Variants in MYO6 observed in about 807,000 individuals in gnomAD.
MYO6 encodes myosin VI.
In MYO6, 74 loss-of-function variants were observed where a neutral mutation model predicts 178.7. The ratio of observed to expected loss-of-function variants is 0.41; its 90% CI spans 0.34 to 0.50. MYO6 has a LOEUF of 0.50. Ranked by LOEUF, MYO6 falls within the 20% of genes least tolerant of loss-of-function variation. The pLI is 0.09. For synonymous variants in MYO6, 477 were observed against 504.6 expected, an observed-to-expected ratio of 0.95 and a Z score of 0.73; for missense variants, 1,330 against 1,547.4, an observed-to-expected ratio of 0.86 and a Z score of 2.36.
chr6:75,771,716 A>G (rs1765911155), intron 1 of MYO6, among the ~76,000 whole-genome samples: 1 of 152,224 alleles, frequency 6.6e-6, no homozygotes, highest in Admixed American at 6.5e-5. Context: ...GTCAAATAAT[A>G]GAATTCTAGG....
At chr6:75,766,144 G>A (rs776231431) in intron 1 of MYO6, among the ~76,000 whole-genome samples, 6 of 152,002 alleles carry the variant, frequency 3.9e-5, no homozygotes, top group African/African-American at 1.4e-4. Flanking sequence ...CCAACATGGC[G>A]AAACCCCGTC....
intron 30 of MYO6, among the ~76,000 whole-genome samples, chr6:75,906,223 G>T (rs1211446105): frequency 7.8e-6 from 1 of 128,950 alleles, no homozygotes; most frequent in Non-Finnish European, 1.8e-5. Context: ...GAAATGTGAT[G>T]TATTTAAACG....
At chr6:75,769,381 A>G (rs1778718402) in intron 1 of MYO6, among the ~76,000 whole-genome samples, 1 of 152,234 alleles carries the variant, frequency 6.6e-6, no homozygotes, top group South Asian at 2.1e-4. Context: ...TTTACTTCCA[A>G]GATACAGTGA....
intron 18 of MYO6, among the ~76,000 whole-genome samples, chr6:75,869,409 C>G (rs1036077777): frequency 6.6e-6 from 1 of 152,070 alleles, no homozygotes; most frequent in Non-Finnish European, 1.5e-5. Context: ...TCCGTAACCT[C>G]GGGCAAGTTA....
At position 75,809,822 on chromosome 6, in the gene MYO6, G is replaced by C. The variant is rs552419095; in HGVS notation, c.-47-7679G>C. Among the ~76,000 whole-genome samples the C allele has an allele frequency of 3.3e-5, 5 of 151,594 alleles. No homozygotes were observed. The East Asian group carries it at 9.7e-4, about 29-fold the overall frequency. On this transcript the variant is annotated intron_variant, in intron 1 of 34. Transcript: ENST00000369977. ...TGAGGCTTGTAATCCCAGCACTTTG[G>C]GAGGCCGAGCCAGGTGGATCACTTG...
In MYO6 at chr6:75,819,215, C is replaced by T. The variant is rs574380832; in HGVS notation, c.117+1551C>T. 9.9e-5 allele frequency among the ~76,000 whole-genome samples: 15 copies of T among 152,188 alleles called. No homozygotes were observed. The South Asian group carries it at 2.5e-3, about 25-fold the overall frequency. On this transcript the variant is annotated intron_variant, in intron 2 of 34. Coordinates refer to ENST00000369977, the MANE Select transcript of MYO6 (RefSeq NM_004999.4). ...AGATAATTCTGTGAACTAAAGTGTA[C>T]GTTTTTTCCACAAAGTTTTTTTTGA...
chr6:75,790,295 G>A (rs1273646371), intron 1 of MYO6, among the ~76,000 whole-genome samples: 3 of 151,760 alleles, frequency 2.0e-5, no homozygotes, highest in African/African-American at 7.3e-5. Context: ...ATACTTAAAT[G>A]TGTAAATTCC....
chr6:75,914,721 C>G (rs1295134875), intron 34 of MYO6, 92 bp from the exon 35 acceptor site: 49 of 1,222,764 alleles, frequency 4.0e-5, no homozygotes, highest in Non-Finnish European at 5.3e-5. Context: ...GTTTTCAAAT[C>G]TATGAGAATT....
intron 1 of MYO6, among the ~76,000 whole-genome samples, chr6:75,803,954 CA>C (rs1212574295): frequency 6.6e-6 from 1 of 152,138 alleles, no homozygotes; most frequent in African/African-American, 2.4e-5. Flanking sequence ...AGTACAGTGG[CA>C]CGATCATGGC....
intron 1 of MYO6, among the ~76,000 whole-genome samples, chr6:75,805,741 ATAAC>A (rs549135697): frequency 9.2e-4 from 140 of 152,364 alleles, no homozygotes; most frequent in Non-Finnish European, 1.6e-3. Flanking sequence ...CTCTCTTAGA[ATAAC>A]TAAGAATTTC....
At chr6:75,823,368 T>C (rs937840801) in intron 3 of MYO6, among the ~76,000 whole-genome samples, 1 of 152,230 alleles carries the variant, frequency 6.6e-6, no homozygotes, top group African/African-American at 2.4e-5. Flanking sequence ...TGAAAAAAGC[T>C]CTTCTCGATG....
chr6:75,866,315 C>T (rs1486303537), intron 16 of MYO6, among the ~76,000 whole-genome samples: 1 of 110,928 alleles, frequency 9.0e-6, no homozygotes, highest in Admixed American at 8.8e-5. Context: ...GTGTCTTACA[C>T]CTATTTTCTT....
In MYO6 at chr6:75,912,209, A is replaced by G. The variant is rs1183611769; in HGVS notation, c.3439+511A>G. 2.6e-5 allele frequency among the ~76,000 whole-genome samples: 4 copies of G among 152,036 alleles called. No individual in the cohort carries two copies. The East Asian group carries it at 5.8e-4, about 22-fold the overall frequency. The stretch of plus-strand genomic sequence containing the variant: ...TGTTACGTTTATAGCCTCTTATGAT[A>G]CACATTCTTTGATAATTTAAAAGCT... On this transcript the variant is annotated intron_variant, in intron 33 of 34. Coordinates refer to ENST00000369977, the MANE Select transcript of MYO6 (RefSeq NM_004999.4).
At chr6:75,803,886 C>CTTTTTGT (rs775365674) in intron 1 of MYO6, among the ~76,000 whole-genome samples, 30 of 152,050 alleles carry the variant, frequency 2.0e-4, no homozygotes, top group Non-Finnish European at 1.0e-4. Flanking sequence ...GAGGCTTTTT[C>CTTTTTGT]TTTTTGTTTT....
intron 19 of MYO6, 26 bp downstream of exon 19, chr6:75,870,711 G>A (rs763172028): frequency 5.0e-6 from 8 of 1,587,114 alleles, no homozygotes; most frequent in Non-Finnish European, 6.9e-6. Context: ...AAGAAAACAG[G>A]TTTTTATGGG....
chr6:75,844,820 T>G lies in MYO6; in HGVS notation c.817-77T>G, dbSNP rs564969763. 8.6e-6 allele frequency: 10 copies of G among 1,158,910 alleles called. No homozygotes were observed. In the African/African-American group the frequency reaches 1.4e-4, roughly 16 times the overall value. 71.8% of individuals were successfully genotyped at this position (1,158,910 alleles called of 1,614,324 possible). ...GAAATTCTTCATGGTTGGCACTATTTGGTAAGTTGTGTTTTCTCCTGTATT... is the reference window on the plus strand; with the variant it reads ...GAAATTCTTCATGGTTGGCACTATTGGGTAAGTTGTGTTTTCTCCTGTATT... On this transcript the variant is annotated intron_variant, in intron 9 of 34. Coordinates refer to ENST00000369977, the MANE Select transcript of MYO6 (RefSeq NM_004999.4).
At chr6:75,901,639 T>C (rs1396399717) in intron 30 of MYO6, among the ~76,000 whole-genome samples, 1 of 151,982 alleles carries the variant, frequency 6.6e-6, no homozygotes, top group African/African-American at 2.4e-5. Context: ...GACAATGGGG[T>C]TTTCTAGATA....
chr6:75,807,570 T>A (rs186270259), intron 1 of MYO6, among the ~76,000 whole-genome samples: 35 of 152,226 alleles, frequency 2.3e-4, no homozygotes, highest in Non-Finnish European at 4.4e-4. Flanking sequence ...AGGAAAGGGG[T>A]CCTGATCCAG....
intron 1 of MYO6, among the ~76,000 whole-genome samples, chr6:75,772,126 C>T (rs1485392760): frequency 6.6e-6 from 1 of 152,136 alleles, no homozygotes; most frequent in Non-Finnish European, 1.5e-5. Flanking sequence ...CCTACCGTAT[C>T]TAAACCACTC....
Sources: gnomAD v4.1 joint callset for allele counts (sites outside exome capture counted in the v4.1 genomes callset) on GRCh38, gnomAD v4.1.1 for gene constraint, MANE v1.5 for transcripts, NCBI Gene and HGNC (gene_info 2026-07-23, HGNC 2026-07-21) for gene names.